Variants in VXN observed in about 807,000 individuals in gnomAD.
VXN encodes the protein vexin.
VXN carries 7 observed loss-of-function variants against 23.1 expected under a neutral mutation model. That is an observed-to-expected ratio of 0.30 (90% CI 0.17 to 0.57). The LOEUF (loss-of-function observed/expected upper bound fraction) is 0.57. Among genes scored for constraint, VXN ranks in the 20% least tolerant of loss-of-function variants. The pLI is 0.91. For synonymous variants in VXN, 120 were observed against 105.8 expected, an observed-to-expected ratio of 1.13 and a Z score of -0.83; for missense variants, 238 against 272.6, an observed-to-expected ratio of 0.87 and a Z score of 0.89.
At chr8:66,494,258 T>A (rs1807600588) in intron 1 of VXN, among the ~76,000 whole-genome samples, 2 of 152,186 alleles carry the variant, frequency 1.3e-5, no homozygotes, top group Admixed American at 6.5e-5. Context: ...CCGGAACTAA[T>A]GCTGCCAGAG....
intron 4 of VXN, among the ~76,000 whole-genome samples, chr8:66,510,814 T>TGGA (rs1563508878): frequency 1.3e-5 from 2 of 152,192 alleles, no homozygotes; most frequent in East Asian, 3.9e-4. Context: ...ATAAGGGCAC[T>TGGA]GATCTTATCA....
In VXN at chr8:66,516,289, C is replaced by T; in HGVS notation, c.*213C>T. ...TGCCCCTTCTTAGAATTGCTAAAGC[C>T]ATTGGTCTGAAAGTGACTTTGGGAG... On this transcript the variant is annotated 3_prime_UTR_variant, in exon 6 of 6. Transcript: ENST00000305454. 2.5e-6 allele frequency: 1 copy of T among 402,432 alleles called. No homozygotes were observed. The highest frequency in any genetic ancestry group is 4.3e-6 in the Non-Finnish European group (1 of 230,372). The allele number at this position is 402,432 out of a possible 1,614,324, so 24.9% of individuals were successfully genotyped here. A position where few individuals can be genotyped will look rare whatever the true frequency, so the allele number is the denominator to read the frequency against.
At position 66,518,291 on chromosome 8, in the gene VXN, C is replaced by G. The variant is rs1429275111; in HGVS notation, c.*2215C>G. The G allele has an allele frequency of 2.0e-5, 3 of 152,246 alleles. No homozygotes were observed. The highest frequency in any genetic ancestry group is 7.2e-5 in the African/African-American group (3 of 41,466). The allele number at this position is 152,246 out of a possible 1,614,324, so 9.4% of individuals were successfully genotyped here. Reference sequence around the variant, plus strand: ...CTCAGTCTCCTGAAAGCTGGGATGACAGGCACATGCCACCACACCTAGCTC... The same window carrying G: ...CTCAGTCTCCTGAAAGCTGGGATGAGAGGCACATGCCACCACACCTAGCTC... On this transcript the variant is annotated 3_prime_UTR_variant, in exon 6 of 6. Transcript: ENST00000305454.
In VXN at chr8:66,516,038, T is replaced by C; in HGVS notation, c.586T>C (p.Tyr196His). 1 of 1,613,202 alleles carries C rather than the reference T, an allele frequency of 6.2e-7. No homozygotes were observed. The highest frequency in any genetic ancestry group is 8.5e-7 in the Non-Finnish European group (1 of 1,179,950). ...MWTRHKKKSE[Y>H]VGATNSAFEA... ...GACAAGGCACAAGAAGAAGTCTGAA[T>C]ATGTGGGAGCCACCAACAGCGCCTT... Residue 196 changes from tyrosine (Y) to histidine (H), a missense_variant, in exon 6 of 6, where the codon TAT becomes CAT. Coordinates refer to ENST00000305454, the MANE Select transcript of VXN (RefSeq NM_152765.4).
At chr8:66,493,880 C>G (rs1466402309) in intron 1 of VXN, among the ~76,000 whole-genome samples, 162 bp downstream of exon 1, 1 of 152,008 alleles carries the variant, frequency 6.6e-6, no homozygotes. Flanking sequence ...GAAAGAGGCA[C>G]AAGGATAAAC....
intron 2 of VXN, among the ~76,000 whole-genome samples, chr8:66,502,565 G>A (rs1211887635): frequency 2.0e-5 from 3 of 152,020 alleles, no homozygotes; most frequent in Non-Finnish European, 4.4e-5. Flanking sequence ...TGACCAATAT[G>A]GTGAAACCCC....
At chr8:66,494,815 G>A (rs548518246) in intron 1 of VXN, 129 of 152,250 alleles carry the variant, frequency 8.5e-4, no homozygotes, top group African/African-American at 3.0e-3. Flanking sequence ...TCTTACCCCT[G>A]GATGTTCACG....
chr8:66,514,912 G>A (rs1167488786), intron 5 of VXN, among the ~76,000 whole-genome samples: 1 of 152,226 alleles, frequency 6.6e-6, no homozygotes, highest in East Asian at 1.9e-4. Flanking sequence ...GGAGGTCAGA[G>A]CAAGAACAGG....
chr8:66,505,473 G>A lies in VXN; in HGVS notation c.225G>A (p.Arg75=). The A allele has an allele frequency of 6.3e-7, 1 of 1,575,244 alleles. No individual in the cohort carries two copies. Among genetic ancestry groups the A allele is most frequent in the Non-Finnish European group, 8.6e-7 (1 of 1,161,852 alleles). The change falls in exon 3 of 6, where the codon CGG becomes CGA. Residue 75 remains arginine (R), a synonymous_variant. Coordinates refer to ENST00000305454, the MANE Select transcript of VXN (RefSeq NM_152765.4). ...CTGGCGACCGCCGCAGGTTTGGGCGGCTCCAGACCGCGCGGCCGCCCACAG... is the reference window on the plus strand; with the variant it reads ...CTGGCGACCGCCGCAGGTTTGGGCGACTCCAGACCGCGCGGCCGCCCACAG... ...RDPGDRRRFG[R]LQTARPPTAH...
Position 66,516,136 on chromosome 8 carries a change from T to C in VXN, c.*60T>C, listed in dbSNP as rs1586524785. 8 of 1,468,624 alleles carry C rather than the reference T, an allele frequency of 5.4e-6. No individual in the cohort carries two copies. Among genetic ancestry groups the C allele is most frequent in the Non-Finnish European group, 7.2e-6 (8 of 1,105,858 alleles). The allele number at this position is 1,468,624 out of a possible 1,614,324, so 91.0% of individuals were successfully genotyped here. ...GGTTCCCCGGACAAGAGGAAAAACC[T>C]TCAGGATTGAAACTGAGCCACACGC... On this transcript the variant is annotated 3_prime_UTR_variant, in exon 6 of 6. Coordinates refer to ENST00000305454, the MANE Select transcript of VXN (RefSeq NM_152765.4).
intron 5 of VXN, among the ~76,000 whole-genome samples, chr8:66,514,580 C>A (rs1162590899): frequency 6.6e-6 from 1 of 152,132 alleles, no homozygotes; most frequent in African/African-American, 2.4e-5. Context: ...TAGGCGCCCG[C>A]CACCACGCCC....
chr8:66,509,923 G>A (rs1265665786), intron 3 of VXN, among the ~76,000 whole-genome samples, 173 bp from the exon 4 acceptor site: 3 of 152,164 alleles, frequency 2.0e-5, no homozygotes, highest in Non-Finnish European at 2.9e-5. Flanking sequence ...TCCCCTAGAA[G>A]AGTGACAGTT....
intron 2 of VXN, among the ~76,000 whole-genome samples, chr8:66,502,989 G>A (rs954976337): frequency 1.2e-4 from 18 of 151,926 alleles, no homozygotes; most frequent in African/African-American, 3.9e-4. Flanking sequence ...TGGGACTACA[G>A]GCATGTGGCA....
intron 2 of VXN, among the ~76,000 whole-genome samples, chr8:66,499,561 T>C (rs1807667628): frequency 6.6e-6 from 1 of 151,750 alleles, no homozygotes; most frequent in East Asian, 1.9e-4. Flanking sequence ...GTTTTTTGTT[T>C]GTTTGTTTGT....
intron 3 of VXN, among the ~76,000 whole-genome samples, 152 bp from the exon 4 acceptor site, chr8:66,509,939 GTGGCC>G (rs1246488784): frequency 4.6e-5 from 7 of 152,160 alleles, no homozygotes; most frequent in African/African-American, 1.7e-4. Flanking sequence ...CAGTTGCCTT[GTGGCC>G]TGACCCTCCT....
chr8:66,497,041 C>A (rs554453797), intron 2 of VXN, among the ~76,000 whole-genome samples: 2 of 152,086 alleles, frequency 1.3e-5, no homozygotes, highest in Non-Finnish European at 2.9e-5. Context: ...CACGCCAGCA[C>A]GCCTGGCTAA....
rs2130555498 is a variant in VXN, at chr8:66,510,166, A to T, written c.342+9A>T. The T allele has an allele frequency of 6.2e-7, 1 of 1,607,644 alleles. No homozygotes were observed. Among genetic ancestry groups the T allele is most frequent in the Non-Finnish European group, 8.5e-7 (1 of 1,175,924 alleles). ...CATATGGAAAATCTCTGGTAAGTAA[A>T]ATAAGCCTGCTTAGTTGTATCTGTT... On this transcript the variant is annotated intron_variant, in intron 4 of 5. Transcript: ENST00000305454.
chr8:66,512,856 G>GAC (rs3065712), intron 4 of VXN, among the ~76,000 whole-genome samples: 6,438 of 152,284 alleles, frequency 0.042, 254 homozygotes, highest in East Asian at 0.16. Flanking sequence ...CAGAGCTACT[G>GAC]ACACACGGGA....
chr8:66,507,037 T>C (rs944900170), intron 3 of VXN, among the ~76,000 whole-genome samples: 2 of 152,180 alleles, frequency 1.3e-5, no homozygotes, highest in Non-Finnish European at 2.9e-5. Flanking sequence ...TGCAAAAGAA[T>C]CACCTAGGAA....
Sources: allele counts gnomAD v4.1 joint callset (sites outside exome capture counted in the v4.1 genomes callset), GRCh38; gene constraint gnomAD v4.1.1; transcripts MANE v1.5; gene names NCBI Gene and HGNC (gene_info 2026-07-23, HGNC 2026-07-21).